The following NRXN3 variants were observed in gnomAD, a reference collection of about 807,000 sequenced individuals.
The protein encoded by NRXN3 is neurexin III.
NRXN3 carries 32 observed loss-of-function variants against 137.6 expected under a neutral mutation model. The observed-to-expected ratio is 0.23, with a 90% CI of 0.18 to 0.31. The LOEUF is 0.31. NRXN3 is among the 10% of genes least tolerant of loss of function. The pLI is 1.00. For missense variants in NRXN3, 1,574 were observed against 2,062.5 expected (o/e 0.76, Z 4.59); for synonymous variants, 798 against 784.5 (o/e 1.02, Z -0.29).
chr14:79,386,795 C>T (rs1439136604), intron 15 of NRXN3, among the ~76,000 whole-genome samples: 1 of 152,144 alleles, frequency 6.6e-6, no homozygotes, highest in Non-Finnish European at 1.5e-5. Flanking sequence ...AGAAATAATG[C>T]CGCTTATCTA....
chr14:78,659,714 CAAAAA>C (rs202186566), intron 6 of NRXN3, among the ~76,000 whole-genome samples: 6 of 104,158 alleles, frequency 5.8e-5, no homozygotes, highest in Admixed American at 9.9e-5. Context: ...TGTGTGAGGA[CAAAAA>C]AAAAAAAAAA....
In NRXN3 at chr14:79,026,950, TTATATATATATATATA is replaced by T. The variant is rs764640398; in HGVS notation, c.3262+38849_3262+38864del. Among the ~76,000 whole-genome samples, 156 of 135,070 alleles carry T rather than the reference TTATATATATATATATA, an allele frequency of 1.2e-3. 1 individual carries two copies. Among genetic ancestry groups the T allele is most frequent in the African/African-American group, 4.0e-3 (133 of 32,942 alleles). The allele number at this position is 135,070 out of a possible 152,430, so 88.6% of individuals were successfully genotyped here. A position where few individuals can be genotyped will look rare whatever the true frequency, so the allele number is the denominator to read the frequency against. ...ATATATATATATAACTATTATAATT[TTATATATATATATATA>T]TATATATATATATATATATATATAT... is the stretch of plus-strand genomic sequence containing the variant. On this transcript the variant is annotated intron_variant, in intron 15 of 20. Coordinates refer to ENST00000335750, the MANE Select transcript of NRXN3 (RefSeq NM_001330195.2).
At chr14:79,268,176 A>C (rs1251772523) in intron 15 of NRXN3, among the ~76,000 whole-genome samples, 1 of 152,206 alleles carries the variant, frequency 6.6e-6, no homozygotes, top group Non-Finnish European at 1.5e-5. Flanking sequence ...GGGTTTTTTA[A>C]ATCACAGATT....
chr14:78,292,166 A>G (rs1285471712), intron 3 of NRXN3, among the ~76,000 whole-genome samples: 1 of 152,210 alleles, frequency 6.6e-6, no homozygotes, highest in Non-Finnish European at 1.5e-5. Flanking sequence ...AGTCATTCTC[A>G]TGACAGGCTT....
chr14:79,714,952 T>C (rs2098818502), intron 19 of NRXN3, among the ~76,000 whole-genome samples: 2 of 152,154 alleles, frequency 1.3e-5, no homozygotes, highest in Non-Finnish European at 2.9e-5. Flanking sequence ...ATCCTTTTCT[T>C]TTTTTTCTTT....
At chr14:78,177,812 C>T (rs924648248) in intron 1 of NRXN3, 2 of 152,176 alleles carry the variant, frequency 1.3e-5, no homozygotes, top group Non-Finnish European at 2.9e-5. Context: ...ATGACTACTA[C>T]TTCTCTCTCA....
chr14:79,572,152 ATT>A (rs2097610754), intron 16 of NRXN3, among the ~76,000 whole-genome samples: 2 of 152,056 alleles, frequency 1.3e-5, no homozygotes, highest in Non-Finnish European at 2.9e-5. Flanking sequence ...TATAGATTGT[ATT>A]TTGTTTCATT....
chr14:78,687,849 G>A (rs2098137078), intron 6 of NRXN3, among the ~76,000 whole-genome samples: 2 of 152,180 alleles, frequency 1.3e-5, no homozygotes, highest in Non-Finnish European at 2.9e-5. Context: ...CCTGCACAAG[G>A]GGCCGATAAA....
chr14:78,343,153 T>TGA (rs1463308874), intron 4 of NRXN3, among the ~76,000 whole-genome samples: 1 of 152,146 alleles, frequency 6.6e-6, no homozygotes, highest in Non-Finnish European at 1.5e-5. Context: ...ATGAGTATAA[T>TGA]GAAAAGAGCT....
chr14:79,275,741 G>GA (rs200198943), intron 15 of NRXN3, among the ~76,000 whole-genome samples: 1,672 of 150,938 alleles, frequency 0.011, 34 homozygotes, highest in African/African-American at 0.038. Context: ...TGGGGGGGGG[G>GA]ACATTTAAAA....
At chr14:79,149,629 G>A (rs2059621011) in intron 15 of NRXN3, among the ~76,000 whole-genome samples, 1 of 152,010 alleles carries the variant, frequency 6.6e-6, no homozygotes, top group Admixed American at 6.6e-5. Flanking sequence ...ATGATAGACT[G>A]GACAAAGAAA....
At chr14:78,694,193 GA>G (rs1277379453) in intron 6 of NRXN3, among the ~76,000 whole-genome samples, 1 of 151,880 alleles carries the variant, frequency 6.6e-6, no homozygotes, top group Non-Finnish European at 1.5e-5. Flanking sequence ...TGCTCATTTT[GA>G]TTTTCTGACT....
chr14:78,938,392 T>A (rs2099346117), intron 10 of NRXN3, among the ~76,000 whole-genome samples: 1 of 152,182 alleles, frequency 6.6e-6, no homozygotes, highest in South Asian at 2.1e-4. Context: ...TTACCTGATG[T>A]TTTTAGTTTG....
At chr14:78,890,021 C>A (rs1254941712) in intron 10 of NRXN3, among the ~76,000 whole-genome samples, 3 of 151,868 alleles carry the variant, frequency 2.0e-5, no homozygotes, top group Non-Finnish European at 4.4e-5. Flanking sequence ...GAAAGAATGC[C>A]CATAGGCAGC....
At chr14:79,127,129 C>T (rs1002311132) in intron 15 of NRXN3, among the ~76,000 whole-genome samples, 41 of 151,998 alleles carry the variant, frequency 2.7e-4, no homozygotes, top group African/African-American at 8.0e-4. Context: ...GTGGGTTGCC[C>T]GTTCACTCTG....
At chr14:79,843,586 T>C (rs540481432) in intron 20 of NRXN3, among the ~76,000 whole-genome samples, 2 of 152,192 alleles carry the variant, frequency 1.3e-5, no homozygotes, top group African/African-American at 4.8e-5. Flanking sequence ...CTTTCAAAAT[T>C]GGAGTCAGTC....
At chr14:79,149,443 C>T (rs1463054672) in intron 15 of NRXN3, among the ~76,000 whole-genome samples, 2 of 151,868 alleles carry the variant, frequency 1.3e-5, no homozygotes, top group African/African-American at 4.8e-5. Context: ...TGATTGAAAG[C>T]ATAGGTGATT....
chr14:78,681,694 T>C (rs1398445553), intron 6 of NRXN3, among the ~76,000 whole-genome samples: 1 of 152,144 alleles, frequency 6.6e-6, no homozygotes, highest in Non-Finnish European at 1.5e-5. Flanking sequence ...AGATGACTAA[T>C]TTTCAGAAAT....
intron 10 of NRXN3, among the ~76,000 whole-genome samples, chr14:78,901,942 C>T (rs963761118): frequency 6.6e-6 from 1 of 152,064 alleles, no homozygotes; most frequent in Non-Finnish European, 1.5e-5. Flanking sequence ...GCTGAGCCAG[C>T]AATCCATCTT....
Sources: gnomAD v4.1 joint callset for allele counts (sites outside exome capture counted in the v4.1 genomes callset) on GRCh38, gnomAD v4.1.1 for gene constraint, MANE v1.5 for transcripts, NCBI Gene and HGNC (gene_info 2026-07-23, HGNC 2026-07-21) for gene names.